ATXN1: variants seen among roughly 807,000 people sequenced by gnomAD.
ATXN1 encodes the protein ataxin 1, also known as ataxin-1.
Under a neutral mutation model 56.4 loss-of-function variants are expected in ATXN1, and 8 were observed. The ratio of observed to expected loss-of-function variants is 0.14; its 90% confidence interval spans 0.08 to 0.26. The LOEUF (loss-of-function observed/expected upper bound fraction) is 0.26, where lower values mean the gene tolerates loss of function less well. Among genes scored for constraint, ATXN1 ranks in the 10% least tolerant of loss-of-function variants. ATXN1 has a pLI of 1.00. For synonymous variants in ATXN1, 514 were observed against 494.6 expected (o/e 1.04, Z -0.52); for missense variants, 987 against 1,106.5 (o/e 0.89, Z 1.53).
At chr6:16,468,332 C>T (rs1760148460) in intron 6 of ATXN1, among the ~76,000 whole-genome samples, 1 of 152,150 alleles carries the variant, frequency 6.6e-6, no homozygotes, top group Admixed American at 6.5e-5. Flanking sequence ...ACTACAGGCG[C>T]ATGCCACCAC....
intron 5 of ATXN1, among the ~76,000 whole-genome samples, chr6:16,491,002 G>A (rs1381429678): frequency 6.6e-6 from 1 of 151,630 alleles, no homozygotes; most frequent in Non-Finnish European, 1.5e-5. Flanking sequence ...TCCCAGTACA[G>A]AGAAAAGCTG....
chr6:16,704,518 T>G (rs1759364396), intron 2 of ATXN1, among the ~76,000 whole-genome samples: 1 of 152,254 alleles, frequency 6.6e-6, no homozygotes, highest in Non-Finnish European at 1.5e-5. Context: ...TGCTCTAAGC[T>G]GATGAAAGTA....
At chr6:16,754,612 TA>T (rs1455261783) in intron 1 of ATXN1, 13 of 152,224 alleles carry the variant, frequency 8.5e-5, no homozygotes, top group African/African-American at 2.9e-4. Flanking sequence ...CTTTTCAAAG[TA>T]ATGAACAGTA....
Position 16,301,752 on chromosome 6 carries a change from A to G in ATXN1, c.*4577T>C, listed in dbSNP as rs1191875127. 6.6e-6 allele frequency: 1 copy of G among 152,642 alleles called. No homozygotes were observed. The highest frequency in any genetic ancestry group is 1.5e-5 in the Non-Finnish European group (1 of 68,052). 9.5% of individuals were successfully genotyped at this position (152,642 alleles called of 1,614,324 possible). ...TCTGTTGAGCTGCTTGTGGTTCATG[A>G]AACAGTAGCCATGACAACCAACACA... On this transcript the variant is annotated 3_prime_UTR_variant, in exon 8 of 8. Coordinates refer to ENST00000436367, the MANE Select transcript of ATXN1 (RefSeq NM_001128164.2).
At position 16,410,837 on chromosome 6, in the gene ATXN1, G is replaced by A. The variant is rs4716066; in HGVS notation, c.-161+75135C>T. On this transcript the variant is annotated intron_variant, in intron 6 of 7. Coordinates refer to ENST00000436367, the MANE Select transcript of ATXN1 (RefSeq NM_001128164.2). This position sits in a 1 kb window ranked among gnomAD's most constrained non-coding sequence, Gnocchi z 4.6. ...GGCCAGTGCTAAAGATGGAAAATAG[G>A]TGGGTGGCCAGGCACAGTGGCTCAC... Among the ~76,000 whole-genome samples the A allele has an allele frequency of 0.12, 18,527 of 152,102 alleles. 1,290 individuals are homozygous for A. The highest frequency in any genetic ancestry group is 0.18 in the South Asian group (850 of 4,830).
rs1181797485 is a variant in ATXN1, at chr6:16,306,662, G to A, written c.2115C>T (p.Ser705=). The change falls in exon 8 of 8, where the codon AGC becomes AGT. Residue 705 remains serine (S), a synonymous_variant. Coordinates refer to ENST00000436367, the MANE Select transcript of ATXN1 (RefSeq NM_001128164.2). This position sits in a 1 kb window ranked among gnomAD's most constrained non-coding sequence, Gnocchi z 5.2. ...CGGCCTTTGAGTGCTTCAGCAGGAC[G>A]CTGGCGGGATCCACGGGCTGGCCCT... is the stretch of plus-strand genomic sequence containing the variant. ...VKKGQPVDPA[S]VLLKHSKADG... The A allele has an allele frequency of 1.9e-6, 3 of 1,614,212 alleles. No homozygotes were observed. Among genetic ancestry groups the A allele is most frequent in the Non-Finnish European group, 1.7e-6 (2 of 1,180,048 alleles).
intron 6 of ATXN1, among the ~76,000 whole-genome samples, chr6:16,480,154 CAAAA>C (rs60209783): frequency 1.3e-5 from 1 of 79,110 alleles, no homozygotes. Context: ...ACTTCATCTG[CAAAA>C]AAAAAAAAAA....
chr6:16,579,990 C>G (rs1157015692), intron 4 of ATXN1, among the ~76,000 whole-genome samples: 2 of 152,174 alleles, frequency 1.3e-5, no homozygotes, highest in African/African-American at 4.8e-5. Context: ...CAGTGATATA[C>G]TTCTCACTTA....
intron 3 of ATXN1, among the ~76,000 whole-genome samples, chr6:16,627,087 T>C (rs1330383534): frequency 6.6e-6 from 1 of 152,196 alleles, no homozygotes; most frequent in Non-Finnish European, 1.5e-5. Context: ...ATGGCTATTT[T>C]AGAAAGACAA....
At chr6:16,740,560 A>G (rs970899636) in intron 2 of ATXN1, among the ~76,000 whole-genome samples, 6 of 152,234 alleles carry the variant, frequency 3.9e-5, no homozygotes, top group Admixed American at 2.6e-4. Context: ...CCTTGCTGTC[A>G]TGGGTGCATT....
chr6:16,610,545 C>T (rs1322625762), intron 3 of ATXN1, among the ~76,000 whole-genome samples: 2 of 151,820 alleles, frequency 1.3e-5, no homozygotes, highest in Admixed American at 6.6e-5. Context: ...TACAAAAATT[C>T]CAAACTAACC....
intron 6 of ATXN1, among the ~76,000 whole-genome samples, chr6:16,439,391 T>TGGGGG (rs1470984574): frequency 7.6e-4 from 1 of 1,322 alleles, no homozygotes; most frequent in African/African-American, 3.7e-3. Context: ...GAATAAGGGT[T>TGGGGG]GGGGTGGGGT....
intron 2 of ATXN1, among the ~76,000 whole-genome samples, chr6:16,671,261 T>C (rs1758534092): frequency 6.6e-6 from 1 of 151,796 alleles, no homozygotes; most frequent in Admixed American, 6.6e-5. Flanking sequence ...AAGTTTACAT[T>C]CCAGCAGGGA....
chr6:16,505,232 C>T (rs966198878), intron 5 of ATXN1, among the ~76,000 whole-genome samples: 4 of 152,046 alleles, frequency 2.6e-5, no homozygotes, highest in African/African-American at 4.8e-5. Flanking sequence ...GAAAACATAC[C>T]GGCAGCCCAA....
chr6:16,359,402 AG>A (rs1214396310), intron 6 of ATXN1, among the ~76,000 whole-genome samples: 1 of 152,176 alleles, frequency 6.6e-6, no homozygotes, highest in East Asian at 1.9e-4. Flanking sequence ...GAGGATGGCC[AG>A]GGACAAAGGG....
At chr6:16,501,307 A>T (rs1343533277) in intron 5 of ATXN1, among the ~76,000 whole-genome samples, 1 of 152,166 alleles carries the variant, frequency 6.6e-6, no homozygotes, top group Non-Finnish European at 1.5e-5. Context: ...CTTTATTTTT[A>T]AAATATTTTT....
At chr6:16,646,125 G>A (rs1763794878) in intron 3 of ATXN1, among the ~76,000 whole-genome samples, 1 of 152,142 alleles carries the variant, frequency 6.6e-6, no homozygotes. Context: ...GGGAAGTTGG[G>A]GTGGGAGGAT....
At chr6:16,446,449 T>A (rs1004859118) in intron 6 of ATXN1, among the ~76,000 whole-genome samples, 7 of 152,246 alleles carry the variant, frequency 4.6e-5, no homozygotes, top group Non-Finnish European at 8.8e-5. Flanking sequence ...CTGTTAAAAT[T>A]CACATTCCTG....
chr6:16,618,499 G>T (rs1763260623), intron 3 of ATXN1, among the ~76,000 whole-genome samples: 1 of 152,196 alleles, frequency 6.6e-6, no homozygotes, highest in South Asian at 2.1e-4. Flanking sequence ...GGGAGGCCGA[G>T]GCAGATGGAT....
Sources: allele counts gnomAD v4.1 joint callset (sites outside exome capture counted in the v4.1 genomes callset), GRCh38; gene constraint gnomAD v4.1.1; non-coding constraint Gnocchi (gnomAD v3.1); transcripts MANE v1.5; gene names NCBI Gene and HGNC (gene_info 2026-07-23, HGNC 2026-07-21).